The following ZNF732 variants were observed in gnomAD, a reference collection of about 807,000 sequenced individuals.
The protein encoded by ZNF732 is zinc finger protein LOC654254.
A neutral mutation model predicts 11.5 loss-of-function variants in ZNF732; 12 were observed. The ratio of observed to expected loss-of-function variants is 1.05; its 90% CI spans 0.67 to 1.70. ZNF732 has a LOEUF of 1.70. Among genes scored for constraint, ZNF732 ranks in the 40% most tolerant of loss-of-function variants. The pLI is 0.00. For missense variants in ZNF732, 702 were observed against 676.9 expected, an observed-to-expected ratio of 1.04 and a Z score of -0.41; for synonymous variants, 231 against 236.5, an observed-to-expected ratio of 0.98 and a Z score of 0.21.
chr4:280,130 AAT>A (rs1353840033), intron 3 of ZNF732, among the ~76,000 whole-genome samples: 13 of 152,260 alleles, frequency 8.5e-5, no homozygotes, highest in African/African-American at 2.2e-4. Context: ...TCCCCAGTAA[AAT>A]AGAGTTTGAA....
chr4:276,751 G>C (rs904627169), intron 3 of ZNF732, among the ~76,000 whole-genome samples: 1 of 151,432 alleles, frequency 6.6e-6, no homozygotes, highest in Non-Finnish European at 1.5e-5. Context: ...TAGATTCAAC[G>C]CAATCTCTTA....
Position 295,598 on chromosome 4 carries a change from A to C in ZNF732, c.131-65T>G, listed in dbSNP as rs1008729315. On this transcript the variant is annotated intron_variant, in intron 2 of 3. Transcript: ENST00000419098. Reference sequence around the variant, plus strand: ...TCTCCAATTACCTACCTAATACTATACTAAGTAGAAAAGAGAAATTATGGA... The same window carrying C: ...TCTCCAATTACCTACCTAATACTATCCTAAGTAGAAAAGAGAAATTATGGA... The C allele has an allele frequency of 4.7e-5, 62 of 1,307,934 alleles. No homozygotes were observed. In the African/African-American group the frequency reaches 9.2e-4, roughly 19 times the overall value. The allele number at this position is 1,307,934 out of a possible 1,614,324, so 81.0% of individuals were successfully genotyped here. A position where few individuals can be genotyped will look rare whatever the true frequency, so the allele number is the denominator to read the frequency against.
intron 3 of ZNF732, 148 bp from the exon 4 acceptor site, chr4:272,778 TAACAA>T: frequency 1.3e-6 from 1 of 786,636 alleles, no homozygotes; most frequent in Non-Finnish European, 1.9e-6. Flanking sequence ...CATATATATG[TAACAA>T]ACATATACTG....
intron 2 of ZNF732, 60 bp from the exon 3 acceptor site, chr4:295,593 A>T (rs1374000589): frequency 7.4e-7 from 1 of 1,348,258 alleles, no homozygotes; most frequent in Non-Finnish European, 1.0e-6. Context: ...CCTACCTAAT[A>T]CTATACTAAG....
Position 296,163 on chromosome 4 carries a change from T to C in ZNF732, c.4-8A>G. The stretch of plus-strand genomic sequence containing the variant: ...CCTGAATGTTAAGAGTTCCTGAAAA[T>C]ATATATGTATCAAGTGACAGAGTTC... On this transcript the variant is annotated splice_polypyrimidine_tract_variant and splice_region_variant and intron_variant, in intron 1 of 3. Transcript: ENST00000419098. 1 of 1,609,554 alleles carries C rather than the reference T, an allele frequency of 6.2e-7. No homozygotes were observed. The highest frequency in any genetic ancestry group is 1.3e-5 in the African/African-American group (1 of 74,624).
At chr4:288,928 G>A (rs1173003566) in intron 3 of ZNF732, among the ~76,000 whole-genome samples, 2 of 152,130 alleles carry the variant, frequency 1.3e-5, no homozygotes, top group Non-Finnish European at 2.9e-5. Context: ...AATATTCACT[G>A]TATTAGTTTA....
In ZNF732 at chr4:271,149, A is replaced by G. The variant is rs1553837195; in HGVS notation, c.1708T>C (p.Ser570Pro). 3 of 1,543,678 alleles carry G rather than the reference A, an allele frequency of 1.9e-6. No individual in the cohort carries two copies. The highest frequency in any genetic ancestry group is 2.6e-6 in the Non-Finnish European group (3 of 1,144,800). ...TTATTATGTTGATTAAGGTATGAGG[A>G]CCACTTAAAGGCTTTGCCACATCCT... ...CKGCGKAFKW[S>P]SYLNQHNKIY... The change falls in exon 4 of 4, where the codon TCC (serine) becomes CCC (proline). Residue 570 changes from serine (S) to proline (P), a missense_variant. By Grantham distance (74) the Ser-to-Pro change is moderately conservative. This residue lies in a region of ZNF732 where 94 missense variants were observed against 87.5 expected (regional missense o/e 1.07). Transcript: ENST00000419098.
intron 3 of ZNF732, among the ~76,000 whole-genome samples, chr4:284,993 G>C (rs1201686941): frequency 1.3e-5 from 2 of 151,880 alleles, no homozygotes; most frequent in Non-Finnish European, 2.9e-5. Flanking sequence ...AGAAAAGGAA[G>C]GAGTAAATAC....
chr4:284,688 T>G (rs1719690721), intron 3 of ZNF732, among the ~76,000 whole-genome samples: 1 of 151,408 alleles, frequency 6.6e-6, no homozygotes, highest in Admixed American at 6.6e-5. Context: ...CTGGCCAACA[T>G]GGTGAAACCA....
intron 3 of ZNF732, among the ~76,000 whole-genome samples, chr4:293,581 TTGAG>T (rs1210697690): frequency 6.6e-5 from 10 of 152,134 alleles, no homozygotes; most frequent in East Asian, 1.9e-4. Flanking sequence ...TAGTTATAAA[TTGAG>T]TAAGTCTGAG....
chr4:270,869 CA>C lies in ZNF732; in HGVS notation c.*229del. Reference sequence around the variant, plus strand: ...CATTTGTAGGGTTGCTCTCCAGCATCAATTTTCTTATGTTGATTCAGGTATG... The same window carrying C: ...CATTTGTAGGGTTGCTCTCCAGCATCATTTTCTTATGTTGATTCAGGTATG... On this transcript the variant is annotated 3_prime_UTR_variant, in exon 4 of 4. Coordinates refer to ENST00000419098, the MANE Select transcript of ZNF732 (RefSeq NM_001137608.3). The C allele has an allele frequency of 1.5e-6, 1 of 665,126 alleles. No individual in the cohort carries two copies. Among genetic ancestry groups the C allele is most frequent in the Non-Finnish European group, 2.8e-6 (1 of 355,748 alleles). 41.2% of individuals were successfully genotyped at this position (665,126 alleles called of 1,614,324 possible). A position where few individuals can be genotyped will look rare whatever the true frequency, so the allele number is the denominator to read the frequency against.
intron 3 of ZNF732, among the ~76,000 whole-genome samples, chr4:279,536 A>G (rs1314207401): frequency 2.0e-5 from 3 of 152,114 alleles, no homozygotes; most frequent in Admixed American, 6.5e-5. Context: ...TAGTAAGTAA[A>G]ATGGTGTTCT....
chr4:302,628 C>T (rs2108662897), intron 1 of ZNF732, among the ~76,000 whole-genome samples: 1 of 152,266 alleles, frequency 6.6e-6, no homozygotes, highest in East Asian at 1.9e-4. Flanking sequence ...GATGCATGTT[C>T]TTGCTATTCA....
chr4:275,997 T>A (rs1487407908), intron 3 of ZNF732, among the ~76,000 whole-genome samples: 1 of 151,790 alleles, frequency 6.6e-6, no homozygotes, highest in African/African-American at 2.4e-5. Flanking sequence ...ATGACTAAGC[T>A]GAATATTTAA....
chr4:296,489 T>C (rs1299215192), intron 1 of ZNF732, among the ~76,000 whole-genome samples: 3 of 152,058 alleles, frequency 2.0e-5, no homozygotes, highest in African/African-American at 4.8e-5. Context: ...CGCTGTAATA[T>C]GCGAGGAACT....
intron 3 of ZNF732, among the ~76,000 whole-genome samples, chr4:282,752 A>T (rs1719642439): frequency 6.6e-6 from 1 of 152,066 alleles, no homozygotes; most frequent in South Asian, 2.1e-4. Context: ...TTAAACTATG[A>T]GATATTTTAT....
Position 296,122 on chromosome 4 carries a change from AT to A in ZNF732, c.36del (p.Glu12AspfsTer21), listed in dbSNP as rs1560163849. On this transcript the variant is annotated frameshift_variant, in exon 2 of 4. Transcript: ENST00000419098. LOFTEE classifies it high-confidence loss of function. ...ELLTFRDVAI[E>X]FSPEEWKCLD... The stretch of plus-strand genomic sequence containing the variant: ...AGGCATTTCCACTCTTCTGGAGAGA[AT>A]TCTATGGCCACATCCCTGAATGTTA... The A allele has an allele frequency of 1.2e-6, 2 of 1,613,502 alleles. No individual in the cohort carries two copies. The highest frequency in any genetic ancestry group is 4.5e-5 in the East Asian group (2 of 44,880).
rs554581893 is a variant in ZNF732 at position 294,629 on chromosome 4, GC to G, written c.226+808del. On this transcript the variant is annotated intron_variant, in intron 3 of 3. Transcript: ENST00000419098. ...GGGGGCCAAAACTTTGAATGAGAGG[GC>G]TTTTTTGCTTATCTAAGGTGGTGGA... Among the ~76,000 whole-genome samples, 9 of 152,038 alleles carry G rather than the reference GC, an allele frequency of 5.9e-5. No homozygotes were observed. The South Asian group carries it at 1.9e-3, about 32-fold the overall frequency.
intron 1 of ZNF732, 143 bp from the exon 2 acceptor site, chr4:296,298 T>C (rs1719950782): frequency 8.3e-7 from 1 of 1,199,070 alleles, no homozygotes; most frequent in African/African-American, 1.6e-5. Context: ...TAAAGTATTC[T>C]ATAGCTCTGC....
Sources: allele counts gnomAD v4.1 joint callset (sites outside exome capture counted in the v4.1 genomes callset), GRCh38; gene constraint gnomAD v4.1.1; regional missense constraint gnomAD v4.1.1; transcripts MANE v1.5; gene names NCBI Gene and HGNC (gene_info 2026-07-23, HGNC 2026-07-21).